Variants in PGAP6 observed in about 807,000 individuals in gnomAD.
The protein encoded by PGAP6 is post-GPI attachment to proteins 6.
A neutral mutation model predicts 68.4 loss-of-function variants in PGAP6; 62 were observed. The ratio of observed to expected loss-of-function variants is 0.91; its 90% CI spans 0.74 to 1.12. The LOEUF (loss-of-function observed/expected upper bound fraction) is 1.12, where lower values mean the gene tolerates loss of function less well. Ranked by LOEUF, PGAP6 falls within the 50% of genes most tolerant of loss-of-function variation. PGAP6 has a pLI of 0.00. For synonymous variants in PGAP6, 575 were observed against 474.0 expected (o/e 1.21, Z -2.77); for missense variants, 1,188 against 1,068.5 (o/e 1.11, Z -1.56).
chr16:372,672 C>T lies in PGAP6; in HGVS notation c.1958G>A (p.Arg653Lys). Residue 653 changes from arginine (R) to lysine (K), a missense_variant, in exon 12 of 13, where the codon AGG (arginine) becomes AAG (lysine). By Grantham distance (26) the Arg-to-Lys change is conservative. Coordinates refer to ENST00000431232, the MANE Select transcript of PGAP6 (RefSeq NM_021259.3). ...VIAMSLQLDR[R>K]GMWNMLGPCL... ...GGGCCCCAGCATGTTCCACATGCCC[C>T]TGCGGTCCAGCTGCAAGGACATGGC... The T allele has an allele frequency of 6.2e-7, 1 of 1,612,512 alleles. No individual in the cohort carries two copies. Among genetic ancestry groups the T allele is most frequent in the Admixed American group, 1.7e-5 (1 of 60,012 alleles).
intron 3 of PGAP6, 42 bp from the exon 4 acceptor site, chr16:377,206 T>C (rs375980187): frequency 6.2e-7 from 1 of 1,611,320 alleles, no homozygotes; most frequent in African/African-American, 1.3e-5. Flanking sequence ...TGTCAGAGAA[T>C]GCAGGTGTGA....
Position 376,758 on chromosome 16 carries a change from C to T in PGAP6, c.690G>A (p.Val230=). The T allele has an allele frequency of 6.2e-7, 1 of 1,611,120 alleles. No individual in the cohort carries two copies. The highest frequency in any genetic ancestry group is 2.2e-5 in the East Asian group (1 of 44,874). Residue 230 remains valine (V), a synonymous_variant, in exon 5 of 13, where the codon GTG becomes GTA. Transcript: ENST00000431232. ...CGGGGCAGCCCAGGCTCCCATTGGA[C>T]ACGCAGTCCCGCAGCTCCAGCAGAA... ...RELLLELRDC[V]SNGSLGCPVR... is the part of the protein sequence containing the mutation.
rs370966388 is a variant in PGAP6 at position 377,653 on chromosome 16, G to A, written c.299+18C>T. On this transcript the variant is annotated intron_variant, in intron 2 of 12. Transcript: ENST00000431232. ...GCCAGGCGCGGGAGGGTGGGCAGGCGGGCGGGCAGCCACCTACACGGTGAT... is the reference window on the plus strand; with the variant it reads ...GCCAGGCGCGGGAGGGTGGGCAGGCAGGCGGGCAGCCACCTACACGGTGAT... 124 of 1,573,110 alleles carry A rather than the reference G, an allele frequency of 7.9e-5. No homozygotes were observed. The highest frequency in any genetic ancestry group is 9.6e-5 in the Non-Finnish European group (111 of 1,159,872).
At chr16:385,122 G>C (rs2054472848), upstream of PGAP6, among the ~76,000 whole-genome samples, 2 of 145,494 alleles carry the variant, frequency 1.4e-5, no homozygotes, top group South Asian at 4.4e-4. Flanking sequence ...GCAGGGATCA[G>C]GCCACTGCAC....
chr16:383,144 A>G (rs2054458883), upstream of PGAP6: 3 of 152,196 alleles, frequency 2.0e-5, no homozygotes, highest in African/African-American at 7.2e-5. Flanking sequence ...AACAAAAACA[A>G]AAACAAAAAA....
chr16:377,027 C>T lies in PGAP6; in HGVS notation c.635+10G>A. Reference sequence around the variant, plus strand: ...GGCAGAGCCGGGCTGCCCCCCAGGCCCCCGCTCACTTGAGGTAGCTGGGAT... The same window carrying T: ...GGCAGAGCCGGGCTGCCCCCCAGGCTCCCGCTCACTTGAGGTAGCTGGGAT... On this transcript the variant is annotated intron_variant, in intron 4 of 12. Transcript: ENST00000431232. 6.2e-7 allele frequency: 1 copy of T among 1,612,468 alleles called. No homozygotes were observed. The highest frequency in any genetic ancestry group is 8.5e-7 in the Non-Finnish European group (1 of 1,179,758).
At chr16:372,778 C>T (rs953963877) in intron 11 of PGAP6, 51 bp from the exon 12 acceptor site, 1 of 1,389,658 alleles carries the variant, frequency 7.2e-7, no homozygotes, top group Non-Finnish European at 1.0e-6. Context: ...GGCTCAAGGC[C>T]CAGCAGGAGC....
chr16:382,436 G>C (rs1046752031), upstream of PGAP6: 4 of 375,740 alleles, frequency 1.1e-5, no homozygotes, highest in South Asian at 4.4e-4. Context: ...GCCTCAGCAC[G>C]GGGACCCCCG....
chr16:385,230 A>G (rs2054473632), upstream of PGAP6, among the ~76,000 whole-genome samples: 1 of 151,976 alleles, frequency 6.6e-6, no homozygotes, highest in African/African-American at 2.4e-5. Flanking sequence ...GGATGTTTGC[A>G]GCAGAACTGC....
At chr16:378,960 C>T (rs556513323) in intron 1 of PGAP6, among the ~76,000 whole-genome samples, 1 of 152,214 alleles carries the variant, frequency 6.6e-6, no homozygotes, top group Non-Finnish European at 1.5e-5. Flanking sequence ...GACTCAGGCT[C>T]TCACCCCCAG....
At chr16:373,360 C>T (rs566167399) in intron 11 of PGAP6, among the ~76,000 whole-genome samples, 1 of 152,332 alleles carries the variant, frequency 6.6e-6, no homozygotes, top group Admixed American at 6.5e-5. Context: ...CCAGCTGCCA[C>T]AGAGAGTCCC....
intron 1 of PGAP6, among the ~76,000 whole-genome samples, chr16:381,359 C>G (rs1166763627): frequency 6.6e-6 from 1 of 152,240 alleles, no homozygotes; most frequent in Admixed American, 6.5e-5. Flanking sequence ...CTCCTCCCAG[C>G]TGGAGTCCCG....
chr16:376,666 G>A lies in PGAP6; in HGVS notation c.782C>T (p.Ala261Val). 1 of 1,610,144 alleles carries A rather than the reference G, an allele frequency of 6.2e-7. No homozygotes were observed. The highest frequency in any genetic ancestry group is 8.5e-7 in the Non-Finnish European group (1 of 1,178,960). The change falls in exon 5 of 13, where the codon GCC becomes GTC. Residue 261 changes from alanine to valine, a missense_variant. Transcript: ENST00000431232. ...CAGCAGCAGGCGGCAGGGCCAGGGGGCACCGGTGCAGGTGAGCACCTTCTG... is the reference window on the plus strand; with the variant it reads ...CAGCAGCAGGCGGCAGGGCCAGGGGACACCGGTGCAGGTGAGCACCTTCTG... ...NFQKVLTCTGAPWPCRLLLPS... is the reference protein window; with the variant it reads ...NFQKVLTCTGVPWPCRLLLPS...
In PGAP6 at chr16:375,472, C is replaced by A. The variant is rs754019228; in HGVS notation, c.1225-37G>T. The A allele has an allele frequency of 1.9e-6, 3 of 1,591,554 alleles. No individual in the cohort carries two copies. In the African/African-American group the frequency reaches 4.0e-5, roughly 21 times the overall value. On this transcript the variant is annotated intron_variant, in intron 6 of 12. Coordinates refer to ENST00000431232, the MANE Select transcript of PGAP6 (RefSeq NM_021259.3). ...GGCGGTGCCGGCTCAGCTCCAGCAG[C>A]CCCTGGCCGCAGTGGGGTCATCTGC...
chr16:378,251 T>C (rs1307304980), intron 1 of PGAP6, among the ~76,000 whole-genome samples: 5 of 137,812 alleles, frequency 3.6e-5, no homozygotes, highest in Non-Finnish European at 6.2e-5. Flanking sequence ...CGCACTGCCA[T>C]CCCCACCCGC....
intron 3 of PGAP6, 65 bp from the exon 4 acceptor site, chr16:377,229 A>G: frequency 6.2e-7 from 1 of 1,607,052 alleles, no homozygotes; most frequent in Non-Finnish European, 8.5e-7. Context: ...GCATGGTCTC[A>G]CCAGACGCCC....
chr16:376,058 T>C, intron 6 of PGAP6, 78 bp downstream of exon 6: 1 of 1,413,338 alleles, frequency 7.1e-7, no homozygotes, highest in Non-Finnish European at 9.5e-7. Context: ...CGTGCCAAGG[T>C]AAATGAGGAG....
chr16:372,844 CCCTCAGACCAGCTCTGCCAG>C, intron 11 of PGAP6, 117 bp from the exon 12 acceptor site: 1 of 694,516 alleles, frequency 1.4e-6, no homozygotes, highest in East Asian at 2.7e-5. Flanking sequence ...GCTGCTGCCA[CCCTCAGACCAGCTCTGCCAG>C]CCTCTGACTA....
chr16:383,700 G>A (rs995713190), upstream of PGAP6, among the ~76,000 whole-genome samples: 2 of 152,246 alleles, frequency 1.3e-5, no homozygotes, highest in Non-Finnish European at 2.9e-5. Context: ...TTTCCTTTGT[G>A]TGTGTCAAAG....
Sources: gnomAD v4.1 joint callset for allele counts (sites outside exome capture counted in the v4.1 genomes callset) on GRCh38, gnomAD v4.1.1 for gene constraint, MANE v1.5 for transcripts, NCBI Gene and HGNC (gene_info 2026-07-23, HGNC 2026-07-21) for gene names.